The following COL27A1 variants were observed in gnomAD, a reference collection of about 807,000 sequenced individuals.
COL27A1 encodes the protein collagen alpha-1(XXVII) chain.
A neutral mutation model predicts 251.3 loss-of-function variants in COL27A1; 106 were observed. That is an observed-to-expected ratio of 0.42 (90% confidence interval 0.36 to 0.50). The LOEUF (loss-of-function observed/expected upper bound fraction) is 0.50, where lower values mean the gene tolerates loss of function less well. Among genes scored for constraint, COL27A1 ranks in the 20% least tolerant of loss-of-function variants. COL27A1 has a pLI of 0.00. For missense variants in COL27A1, 2,325 were observed against 2,522.8 expected, an observed-to-expected ratio of 0.92 and a Z score of 1.68; for synonymous variants, 1,000 against 986.3, an observed-to-expected ratio of 1.01 and a Z score of -0.26.
At chr9:114,282,867 G>A (rs1392524506) in intron 39 of COL27A1, among the ~76,000 whole-genome samples, 2 of 152,196 alleles carry the variant, frequency 1.3e-5, no homozygotes, top group East Asian at 1.9e-4. Flanking sequence ...TATTAGCATC[G>A]GGGGAGAAAG....
intron 33 of COL27A1, 74 bp from the exon 34 acceptor site, chr9:114,267,430 G>C: frequency 7.4e-7 from 1 of 1,342,650 alleles, no homozygotes; most frequent in Non-Finnish European, 1.0e-6. Flanking sequence ...CCCTCTTGGA[G>C]CCTCAGTTAC....
chr9:114,245,790 C>A, intron 23 of COL27A1, 76 bp from the exon 24 acceptor site: 1 of 1,391,584 alleles, frequency 7.2e-7, no homozygotes, highest in Non-Finnish European at 1.0e-6. Context: ...CTAAGGCCAG[C>A]AGGCCTGGGA....
At chr9:114,272,751 C>A (rs7875562) in intron 36 of COL27A1, 1 of 152,038 alleles carries the variant, frequency 6.6e-6, no homozygotes, top group African/African-American at 2.4e-5. Flanking sequence ...ATTTTACAAA[C>A]GAGGAAACTT....
intron 14 of COL27A1, among the ~76,000 whole-genome samples, chr9:114,224,165 T>C (rs1178494752): frequency 6.6e-6 from 1 of 152,236 alleles, no homozygotes; most frequent in Non-Finnish European, 1.5e-5. Context: ...GAAAAAGAAA[T>C]ATCTGCCATG....
chr9:114,293,461 G>A (rs535076503), intron 49 of COL27A1, among the ~76,000 whole-genome samples: 88 of 151,768 alleles, frequency 5.8e-4, no homozygotes, highest in African/African-American at 1.7e-3. Context: ...CTCGGATTCC[G>A]TCTTAAGAAA....
chr9:114,165,573 T>TCATCCATC (rs201870359), intron 2 of COL27A1, among the ~76,000 whole-genome samples: 1 of 136,510 alleles, frequency 7.3e-6, no homozygotes, highest in East Asian at 2.3e-4. Context: ...ATTCATCTAT[T>TCATCCATC]CATCCATCCA....
chr9:114,236,960 C>T (rs377718798), intron 17 of COL27A1, 21 bp from the exon 18 acceptor site: 2 of 1,613,074 alleles, frequency 1.2e-6, no homozygotes, highest in African/African-American at 2.7e-5. Flanking sequence ...CTAACCCCAG[C>T]CTGCTCTGGA....
chr9:114,307,832 T>C (rs1829166134), intron 59 of COL27A1, 54 bp downstream of exon 59: 1 of 1,359,586 alleles, frequency 7.4e-7, no homozygotes, highest in South Asian at 1.2e-5. Context: ...ATCCCCAGCC[T>C]GCCCTGGGCC....
At chr9:114,266,327 C>T (rs1055872565) in intron 32 of COL27A1, among the ~76,000 whole-genome samples, 4 of 152,160 alleles carry the variant, frequency 2.6e-5, no homozygotes, top group East Asian at 3.9e-4. Context: ...CAGGGAGGGC[C>T]CCCTGGGCTT....
intron 1 of COL27A1, among the ~76,000 whole-genome samples, chr9:114,157,106 A>ACACGCG (rs142812937): frequency 0.24 from 36,126 of 147,596 alleles, 5,267 homozygotes; most frequent in Admixed American, 0.32. Flanking sequence ...ACACACACAT[A>ACACGCG]CGCGCGCGCG....
At chr9:114,156,669 G>A (rs1848140612) in intron 1 of COL27A1, among the ~76,000 whole-genome samples, 1 of 152,148 alleles carries the variant, frequency 6.6e-6, no homozygotes, top group South Asian at 2.1e-4. Flanking sequence ...GGCCCTGGGC[G>A]ATCACTGTGC....
chr9:114,266,580 C>G lies in COL27A1; in HGVS notation c.3409C>G (p.Gln1137Glu), dbSNP rs755550828. Residue 1137 changes from glutamine to glutamate, a missense_variant, in exon 33 of 61, where the codon CAG (glutamine) becomes GAG (glutamate). Coordinates refer to ENST00000356083, the MANE Select transcript of COL27A1 (RefSeq NM_032888.4). ...TGTCTTCCAGGGCCCTCAGGGACCC[C>G]AGGGGCCAATTGGGCCTCCAGGAGA... ...LPGEPGPQGPQGPIGPPGEMG... is the reference protein window; with the variant it reads ...LPGEPGPQGPEGPIGPPGEMG... 1 of 1,613,778 alleles carries G rather than the reference C, an allele frequency of 6.2e-7. No homozygotes were observed. Among genetic ancestry groups the G allele is most frequent in the Non-Finnish European group, 8.5e-7 (1 of 1,179,724 alleles).
Position 114,304,662 on chromosome 9 carries a change from C to G in COL27A1, c.4927C>G (p.Leu1643Val). ...GACGTGGATGGACACCAGTGGAGCACTCAGGCCAGAGGTATCTCCAGGGGC... is the reference window on the plus strand; with the variant it reads ...GACGTGGATGGACACCAGTGGAGCAGTCAGGCCAGAGGTATCTCCAGGGGC... ...FQTWMDTSGALRPESYSYPDR... is the reference protein window; with the variant it reads ...FQTWMDTSGAVRPESYSYPDR... The change falls in exon 57 of 61, where the codon CTC (leucine) becomes GTC (valine). Residue 1643 changes from leucine (L) to valine (V), a missense_variant. Physicochemically the swap from Leu to Val is conservative, Grantham distance 32 (BLOSUM62 1). This residue lies in a region of COL27A1 where 327 missense variants were observed against 442.8 expected (regional missense o/e 0.74). Coordinates refer to ENST00000356083, the MANE Select transcript of COL27A1 (RefSeq NM_032888.4). The G allele has an allele frequency of 6.2e-7, 1 of 1,614,066 alleles. No individual in the cohort carries two copies. The highest frequency in any genetic ancestry group is 8.5e-7 in the Non-Finnish European group (1 of 1,179,950).
At chr9:114,254,364 A>G (rs1833778816) in intron 27 of COL27A1, among the ~76,000 whole-genome samples, 1 of 134,750 alleles carries the variant, frequency 7.4e-6, no homozygotes, top group African/African-American at 2.7e-5. Flanking sequence ...CCCAGGGGTG[A>G]TGATGTGCAG....
chr9:114,306,074 C>G (rs1350526585), intron 57 of COL27A1: 1 of 159,468 alleles, frequency 6.3e-6, no homozygotes, highest in African/African-American at 2.4e-5. Context: ...CCTGCTGGCC[C>G]CAGTCCCGTC....
At position 114,304,606 on chromosome 9, in the gene COL27A1, A is replaced by G; in HGVS notation, c.4873-2A>G. ...TACATACCCTGTCTTTTCCTTGCCC[A>G]GCAACAAGATGATCTTGGGGCAGCT... On this transcript the variant is annotated splice_acceptor_variant, in intron 56 of 60. Transcript: ENST00000356083. LOFTEE classifies it high-confidence loss of function. 6.2e-7 allele frequency: 1 copy of G among 1,614,138 alleles called. No individual in the cohort carries two copies. The highest frequency in any genetic ancestry group is 1.7e-5 in the Admixed American group (1 of 60,026).
chr9:114,251,080 C>A (rs985734796), intron 25 of COL27A1, among the ~76,000 whole-genome samples: 1 of 152,264 alleles, frequency 6.6e-6, no homozygotes, highest in Non-Finnish European at 1.5e-5. Context: ...TACTCCAGGT[C>A]ACCCAGATAA....
intron 33 of COL27A1, among the ~76,000 whole-genome samples, chr9:114,267,036 GA>G (rs1441300666): frequency 6.6e-6 from 1 of 152,156 alleles, no homozygotes; most frequent in Non-Finnish European, 1.5e-5. Context: ...TATCCAGAGG[GA>G]AAAACCAAGC....
At chr9:114,301,972 C>T (rs1371138265) in intron 55 of COL27A1, 110 bp from the exon 56 acceptor site, 2 of 1,146,420 alleles carry the variant, frequency 1.7e-6, no homozygotes, top group African/African-American at 1.5e-5. Context: ...AAGCAGAGGC[C>T]AGCTTGGCAG....
Sources: allele counts gnomAD v4.1 joint callset (sites outside exome capture counted in the v4.1 genomes callset), GRCh38; gene constraint gnomAD v4.1.1; regional missense constraint gnomAD v4.1.1; transcripts MANE v1.5; gene names NCBI Gene and HGNC (gene_info 2026-07-23, HGNC 2026-07-21).